Variants in SPRYD3 observed in about 807,000 individuals in gnomAD.
SPRYD3 encodes the protein SPRY domain-containing protein 3.
SPRYD3 carries 17 observed loss-of-function variants against 50.1 expected under a neutral mutation model. That is an observed-to-expected ratio of 0.34 (90% CI 0.23 to 0.51). SPRYD3 has a LOEUF of 0.51. Among genes scored for constraint, SPRYD3 ranks in the 20% least tolerant of loss-of-function variants. SPRYD3 has a pLI of 0.97. For synonymous variants in SPRYD3, 198 were observed against 215.5 expected (o/e 0.92, Z 0.71); for missense variants, 401 against 591.2 (o/e 0.68, Z 3.34).
intron 6 of SPRYD3, among the ~76,000 whole-genome samples, chr12:53,072,241 G>A (rs118146794): frequency 5.8e-4 from 88 of 152,302 alleles, no homozygotes; most frequent in Non-Finnish European, 9.6e-4. Context: ...GCTCTCGGTC[G>A]CTGCAGCCTG....
Position 53,077,161 on chromosome 12 carries a change from A to T in SPRYD3, c.124T>A (p.Tyr42Asn). ...REIREVRAFRYQERFKHILVD... is the reference protein window; with the variant it reads ...REIREVRAFRNQERFKHILVD... ...AGGATATGTTTGAACCTCTCCTGATATCGGAAAGCTCGGACCTCTCGAATC... is the reference window on the plus strand; with the variant it reads ...AGGATATGTTTGAACCTCTCCTGATTTCGGAAAGCTCGGACCTCTCGAATC... The change falls in exon 2 of 11, where the codon TAT becomes AAT. Residue 42 changes from tyrosine to asparagine, a missense_variant. By Grantham distance (143) the Tyr-to-Asn change is moderately radical. Coordinates refer to ENST00000301463, the MANE Select transcript of SPRYD3 (RefSeq NM_032840.3). The T allele has an allele frequency of 6.2e-7, 1 of 1,614,220 alleles. No homozygotes were observed. The highest frequency in any genetic ancestry group is 8.5e-7 in the Non-Finnish European group (1 of 1,180,034).
At chr12:53,077,043 A>T (rs1944594163) in intron 2 of SPRYD3, 72 bp downstream of exon 2, 6 of 1,448,480 alleles carry the variant, frequency 4.1e-6, no homozygotes, top group Non-Finnish European at 5.6e-6. Context: ...ATAAAAGTTA[A>T]AAAAAAAAAA....
intron 1 of SPRYD3, among the ~76,000 whole-genome samples, chr12:53,077,517 G>A (rs1445930130): frequency 2.0e-5 from 3 of 152,320 alleles, no homozygotes; most frequent in East Asian, 1.9e-4. Flanking sequence ...AGGTGGACAC[G>A]ACAGGCAATA....
chr12:53,079,250 T>G, intron 1 of SPRYD3, 61 bp downstream of exon 1: 3 of 1,546,870 alleles, frequency 1.9e-6, no homozygotes, highest in Non-Finnish European at 2.6e-6. Context: ...ACCCCCGCCT[T>G]CCGCTTCAGG....
At position 53,067,679 on chromosome 12, in the gene SPRYD3, G is replaced by A; in HGVS notation, c.870C>T (p.Gly290=). ...GATAAGCCACAGACCCTCTGCTCCA[G>A]CCAGGGTGCCTGTTCTTGGGATAGT... ...RKDYPKNRHP[G]WSRGSVAYHA... Residue 290 remains glycine, a synonymous_variant, in exon 8 of 11, where the codon GGC becomes GGT. Transcript: ENST00000301463. The A allele has an allele frequency of 6.2e-7, 1 of 1,614,048 alleles. No homozygotes were observed. The highest frequency in any genetic ancestry group is 1.3e-5 in the African/African-American group (1 of 75,014).
At chr12:53,079,285 G>C in intron 1 of SPRYD3, 26 bp downstream of exon 1, 2 of 1,600,244 alleles carry the variant, frequency 1.2e-6, no homozygotes, top group Non-Finnish European at 1.7e-6. Flanking sequence ...GAGGCCTCCG[G>C]GACCCCGCCC....
chr12:53,067,459 CCCTGGT>C (rs1256017574), intron 8 of SPRYD3, among the ~76,000 whole-genome samples, 183 bp downstream of exon 8: 1 of 152,162 alleles, frequency 6.6e-6, no homozygotes, highest in Non-Finnish European at 1.5e-5. Flanking sequence ...TGTCCTGCTC[CCCTGGT>C]TTCCAGAGCT....
intron 6 of SPRYD3, among the ~76,000 whole-genome samples, chr12:53,071,343 G>A (rs1218255090): frequency 6.6e-6 from 1 of 152,162 alleles, no homozygotes; most frequent in Non-Finnish European, 1.5e-5. Context: ...AACACAGAAT[G>A]AGTCTAATCC....
intron 6 of SPRYD3, among the ~76,000 whole-genome samples, chr12:53,071,444 C>T (rs1944549007): frequency 6.6e-6 from 1 of 152,182 alleles, no homozygotes; most frequent in African/African-American, 2.4e-5. Flanking sequence ...GAGGCAAGTG[C>T]CCCAGCAATT....
chr12:53,071,723 TAAAAAAAAAAAA>T (rs60600870), intron 6 of SPRYD3, among the ~76,000 whole-genome samples: 4 of 104,510 alleles, frequency 3.8e-5, no homozygotes, highest in African/African-American at 1.1e-4. Context: ...TAGCCTGTCT[TAAAAAAAAAAAA>T]AAAAAAAAAA....
Position 53,066,394 on chromosome 12 carries a change from C to G in SPRYD3, c.1114G>C (p.Gly372Arg). Residue 372 changes from glycine (G) to arginine (R), a missense_variant, in exon 10 of 11, where the codon GGG becomes CGG. Physicochemically the swap from Gly to Arg is moderately radical, Grantham distance 125. Transcript: ENST00000301463. ...TCCTCTTCCTCCTCTTCCTCTTCCC[C>G]TTCCTGGTGCAGGTACATGACATTC... is the stretch of plus-strand genomic sequence containing the variant. The part of the protein sequence containing the change: ...VRNVMYLHQE[G>R]EEEEEEEEEE... The G allele has an allele frequency of 6.2e-7, 1 of 1,614,198 alleles. No homozygotes were observed. Among genetic ancestry groups the G allele is most frequent in the Non-Finnish European group, 8.5e-7 (1 of 1,180,018 alleles).
intron 8 of SPRYD3, 146 bp from the exon 9 acceptor site, chr12:53,066,838 C>A: frequency 1.9e-6 from 2 of 1,074,028 alleles, no homozygotes; most frequent in East Asian, 2.6e-5. Context: ...AGAGGCCGGG[C>A]GCGGTGGCTC....
At position 53,079,371 on chromosome 12, in the gene SPRYD3, C is replaced by T. The variant is rs773428168; in HGVS notation, c.-38G>A. On this transcript the variant is annotated 5_prime_UTR_variant, in exon 1 of 11. Coordinates refer to ENST00000301463, the MANE Select transcript of SPRYD3 (RefSeq NM_032840.3). ...CAGCTCCGCACACAAGCTCTTCGGC[C>T]GCCGCCACCACACACATCCGGGTCC... The T allele has an allele frequency of 8.8e-6, 14 of 1,596,206 alleles. No individual in the cohort carries two copies. Among genetic ancestry groups the T allele is most frequent in the Non-Finnish European group, 1.2e-5 (14 of 1,171,868 alleles).
rs779728593 is a variant in SPRYD3 at position 53,077,107 on chromosome 12, GA to G, written c.170+7del. 1.0e-4 allele frequency: 162 copies of G among 1,613,592 alleles called. 2 individuals carry two copies. The South Asian group carries it at 1.7e-3, about 17-fold the overall frequency. ...GAAGAAAATGTGGAAGCATTCTCCT[GA>G]ACTCACCTTAAAGTATCTCCATCTA... On this transcript the variant is annotated splice_region_variant and intron_variant, in intron 2 of 10. Coordinates refer to ENST00000301463, the MANE Select transcript of SPRYD3 (RefSeq NM_032840.3).
chr12:53,073,823 G>A (rs1944568662), intron 5 of SPRYD3, among the ~76,000 whole-genome samples: 1 of 145,206 alleles, frequency 6.9e-6, no homozygotes, highest in African/African-American at 2.6e-5. Context: ...CAGCCTGGGG[G>A]ACAGAGCGAG....
rs184209745 is a variant in SPRYD3 at position 53,067,733 on chromosome 12, A to G, written c.844-28T>C. 1.2e-5 allele frequency: 19 copies of G among 1,601,952 alleles called. No homozygotes were observed. In the Admixed American group the frequency reaches 2.7e-4, roughly 22 times the overall value. On this transcript the variant is annotated intron_variant, in intron 7 of 10. Transcript: ENST00000301463. ...GCACCAAGAAGAGAAAAGAAAATCT[A>G]TGGTCCCATGCATAAACAAGACAGG...
At chr12:53,077,060 C>A (rs1375456866) in intron 2 of SPRYD3, 55 bp downstream of exon 2, 3 of 1,555,600 alleles carry the variant, frequency 1.9e-6, no homozygotes, top group Non-Finnish European at 2.6e-6. Context: ...AAAACCCTTT[C>A]CTCTCTAAGA....
chr12:53,077,056 C>T (rs888017336), intron 2 of SPRYD3, 59 bp downstream of exon 2: 6 of 1,548,044 alleles, frequency 3.9e-6, no homozygotes, highest in African/African-American at 1.4e-5. Flanking sequence ...AAAAAAAACC[C>T]TTTCCTCTCT....
chr12:53,073,260 C>CGGGGGGGGGGGGGGG, intron 6 of SPRYD3, 26 bp downstream of exon 6: 44 of 416,282 alleles, frequency 1.1e-4, no homozygotes, highest in East Asian at 2.7e-4. Flanking sequence ...GACCCAGCCC[C>CGGGGGGGGGGGGGGG]TCCCACCCTC....
Sources: allele counts gnomAD v4.1 joint callset (sites outside exome capture counted in the v4.1 genomes callset), GRCh38; gene constraint gnomAD v4.1.1; transcripts MANE v1.5; gene names NCBI Gene and HGNC (gene_info 2026-07-23, HGNC 2026-07-21).